Variants in ELAPOR2 observed in about 807,000 individuals in gnomAD.
ELAPOR2 encodes the protein endosome-lysosome associated apoptosis and autophagy regulator family member 2, also known as endosome/lysosome-associated apoptosis and autophagy regulator family member 2.
ELAPOR2 carries 89 observed loss-of-function variants against 120.7 expected under a neutral mutation model. That is an observed-to-expected ratio of 0.74 (90% confidence interval 0.62 to 0.88). ELAPOR2 has a LOEUF of 0.88. Among genes scored for constraint, ELAPOR2 ranks in the 40% least tolerant of loss-of-function variants. The probability of loss-of-function intolerance (pLI) is 0.00; values close to 1 mark genes in which losing one functional copy is unlikely to be tolerated. For missense variants in ELAPOR2, 1,134 were observed against 1,251.6 expected (o/e 0.91, Z 1.42); for synonymous variants, 444 against 444.9 (o/e 1.00, Z 0.03).
intron 1 of ELAPOR2, among the ~76,000 whole-genome samples, chr7:87,017,398 T>C (rs1209551427): frequency 6.6e-6 from 1 of 152,202 alleles, no homozygotes; most frequent in African/African-American, 2.4e-5. Flanking sequence ...CTGTACTTAT[T>C]TCAAATTGTA....
chr7:86,937,291 CAATCTAGATTAG>C (rs1790599950), intron 8 of ELAPOR2, among the ~76,000 whole-genome samples: 1 of 152,024 alleles, frequency 6.6e-6, no homozygotes, highest in Non-Finnish European at 1.5e-5. Flanking sequence ...ATTAATATAA[CAATCTAGATTAG>C]AATCTAGGGA....
In ELAPOR2 at chr7:86,913,085, C is replaced by G. The variant is rs369087183; in HGVS notation, c.1851G>C (p.Ser617=). The change falls in exon 14 of 22, where the codon TCG becomes TCC. Residue 617 remains serine, a synonymous_variant. Coordinates refer to ENST00000450689, the MANE Select transcript of ELAPOR2 (RefSeq NM_001142749.3). ...AGTGGCCTGGAGGGCAGGGGACACA[C>G]GATGAACCCGACTGTTCAGAACCGA... ...CALGSEQSGS[S]CVPCPPGHYI... 1.2e-6 allele frequency: 2 copies of G among 1,614,044 alleles called. No individual in the cohort carries two copies. The highest frequency in any genetic ancestry group is 8.5e-7 in the Non-Finnish European group (1 of 1,180,004).
At chr7:87,048,568 C>T (rs964685044) in intron 1 of ELAPOR2, among the ~76,000 whole-genome samples, 3 of 152,122 alleles carry the variant, frequency 2.0e-5, no homozygotes, top group East Asian at 1.9e-4. Context: ...TTATTTGATA[C>T]CACAACAGTG....
chr7:87,053,314 T>C (rs1795168225), intron 1 of ELAPOR2, among the ~76,000 whole-genome samples: 1 of 152,230 alleles, frequency 6.6e-6, no homozygotes, highest in African/African-American at 2.4e-5. Context: ...AAATGAAAGA[T>C]AGTACTGTTT....
At chr7:87,042,160 T>C (rs1451922342) in intron 1 of ELAPOR2, among the ~76,000 whole-genome samples, 2 of 150,218 alleles carry the variant, frequency 1.3e-5, no homozygotes, top group Non-Finnish European at 3.0e-5. Context: ...ACATTAATAA[T>C]GGGAGACTTT....
chr7:86,907,590 A>G, intron 18 of ELAPOR2, 80 bp downstream of exon 18: 1 of 895,544 alleles, frequency 1.1e-6, no homozygotes, highest in Non-Finnish European at 1.7e-6. Flanking sequence ...ATGTTCATAG[A>G]GAATATGTTT....
chr7:86,925,412 A>C, intron 10 of ELAPOR2, 116 bp downstream of exon 10: 1 of 1,032,260 alleles, frequency 9.7e-7, no homozygotes, highest in South Asian at 1.5e-5. Flanking sequence ...CAAGCAGCCA[A>C]ATGATAAGAT....
chr7:87,059,461 G>C lies in ELAPOR2; in HGVS notation c.53C>G (p.Ala18Gly). The C allele has an allele frequency of 8.2e-7, 1 of 1,221,304 alleles. No homozygotes were observed. The highest frequency in any genetic ancestry group is 1.0e-6 in the Non-Finnish European group (1 of 979,188). The allele number at this position is 1,221,304 out of a possible 1,614,324, so 75.7% of individuals were successfully genotyped here. A position where few individuals can be genotyped will look rare whatever the true frequency, so the allele number is the denominator to read the frequency against. The change falls in exon 1 of 22, where the codon GCG (alanine) becomes GGG (glycine). Residue 18 changes from alanine to glycine, a missense_variant. Ala to Gly is a moderately conservative substitution (Grantham distance 60, BLOSUM62 0). Transcript: ENST00000450689. ...CGAGCGCCCGCGGCGGGGAGCCTCC[G>C]CCGGCCGCCCCCAGCCCCTGCCCCG... is the stretch of plus-strand genomic sequence containing the variant. ...PVRGRGWGRP[A>G]EAPRRGRSPP...
intron 8 of ELAPOR2, among the ~76,000 whole-genome samples, chr7:86,928,467 T>C (rs1449362335): frequency 2.0e-5 from 3 of 152,018 alleles, no homozygotes; most frequent in Non-Finnish European, 4.4e-5. Flanking sequence ...TGTGAGCTAC[T>C]GCACTAGTGA....
chr7:86,948,076 A>G (rs369860806), intron 2 of ELAPOR2, among the ~76,000 whole-genome samples, 154 bp from the exon 3 acceptor site: 16 of 152,116 alleles, frequency 1.1e-4, no homozygotes, highest in African/African-American at 3.6e-4. Context: ...GCATTTCACA[A>G]TCTGGTTCCA....
intron 6 of ELAPOR2, 112 bp from the exon 7 acceptor site, chr7:86,939,072 C>A (rs1790693260): frequency 4.5e-6 from 5 of 1,117,548 alleles, no homozygotes; most frequent in Non-Finnish European, 5.1e-6. Context: ...ACAGTAAGGT[C>A]AGCCCAAATC....
At position 86,889,740 on chromosome 7, in the gene ELAPOR2, A is replaced by G. The variant is rs182325656; in HGVS notation, c.3030+1984T>C. On this transcript the variant is annotated intron_variant, in intron 21 of 21. Coordinates refer to ENST00000450689, the MANE Select transcript of ELAPOR2 (RefSeq NM_001142749.3). ...AAGACCATGAAAAGTGAAACTGCAAATAAGGGAGGACTTCTGTATATTGGG... is the reference window on the plus strand; with the variant it reads ...AAGACCATGAAAAGTGAAACTGCAAGTAAGGGAGGACTTCTGTATATTGGG... 3.9e-5 allele frequency among the ~76,000 whole-genome samples: 6 copies of G among 152,182 alleles called. No individual in the cohort carries two copies. In the East Asian group the frequency reaches 5.8e-4, roughly 15 times the overall value.
intron 18 of ELAPOR2, among the ~76,000 whole-genome samples, chr7:86,905,477 C>T (rs1326837163): frequency 1.3e-5 from 2 of 152,114 alleles, no homozygotes; most frequent in Non-Finnish European, 2.9e-5. Context: ...AGTGTTCAAG[C>T]AGCTCCCTAA....
intron 8 of ELAPOR2, among the ~76,000 whole-genome samples, chr7:86,931,976 C>T (rs1441233429): frequency 2.0e-5 from 3 of 151,874 alleles, no homozygotes; most frequent in Non-Finnish European, 2.9e-5. Context: ...CTGAAAGGAA[C>T]TGAGAATTAC....
At chr7:86,927,348 CA>C (rs1183273841) in intron 8 of ELAPOR2, among the ~76,000 whole-genome samples, 9 of 151,910 alleles carry the variant, frequency 5.9e-5, no homozygotes, top group Non-Finnish European at 8.8e-5. Flanking sequence ...ATAGCAATCA[CA>C]AAAAGGTTAT....
In ELAPOR2 at chr7:86,951,632, C is replaced by T. The variant is rs534929651; in HGVS notation, c.311-3710G>A. ...ACAAACACAGTAAATTCTTGTTATT[C>T]GCAGTAGTTGTGTTATATGAATTTA... On this transcript the variant is annotated intron_variant, in intron 2 of 21. Coordinates refer to ENST00000450689, the MANE Select transcript of ELAPOR2 (RefSeq NM_001142749.3). Among the ~76,000 whole-genome samples the T allele has an allele frequency of 1.5e-4, 23 of 152,258 alleles. No homozygotes were observed. In the South Asian group the frequency reaches 2.7e-3, roughly 18 times the overall value.
intron 1 of ELAPOR2, among the ~76,000 whole-genome samples, chr7:87,028,781 C>T (rs1373332715): frequency 6.6e-6 from 1 of 152,090 alleles, no homozygotes; most frequent in African/African-American, 2.4e-5. Flanking sequence ...GAATAAAAGG[C>T]AAAGTCTTTC....
chr7:87,046,141 G>C (rs930998823), intron 1 of ELAPOR2, among the ~76,000 whole-genome samples: 1 of 152,074 alleles, frequency 6.6e-6, no homozygotes, highest in African/African-American at 2.4e-5. Context: ...AAAAATCAGT[G>C]GCATTTCTAT....
chr7:87,053,444 T>C (rs1249021900), intron 1 of ELAPOR2, among the ~76,000 whole-genome samples: 1 of 152,056 alleles, frequency 6.6e-6, no homozygotes, highest in African/African-American at 2.4e-5. Context: ...ATTTAGAAAA[T>C]AGTGACCCCC....
Sources: gnomAD v4.1 joint callset for allele counts (sites outside exome capture counted in the v4.1 genomes callset) on GRCh38, gnomAD v4.1.1 for gene constraint, MANE v1.5 for transcripts, NCBI Gene and HGNC (gene_info 2026-07-23, HGNC 2026-07-21) for gene names.